STRN3: variants seen among roughly 807,000 people sequenced by gnomAD.
The protein encoded by STRN3 is striatin 3.
In STRN3, 29 loss-of-function variants were observed where a neutral mutation model predicts 95.6. That is an observed-to-expected ratio of 0.30 (90% CI 0.23 to 0.41). The LOEUF (loss-of-function observed/expected upper bound fraction) is 0.41, where lower values mean the gene tolerates loss of function less well. Among genes scored for constraint, STRN3 ranks in the 10% least tolerant of loss-of-function variants. STRN3 has a pLI of 1.00. For missense variants in STRN3, 890 were observed against 972.1 expected, an observed-to-expected ratio of 0.92 and a Z score of 1.12; for synonymous variants, 331 against 357.6, an observed-to-expected ratio of 0.93 and a Z score of 0.84.
At chr14:30,940,652 G>C (rs1879049028) in intron 5 of STRN3, among the ~76,000 whole-genome samples, 1 of 152,088 alleles carries the variant, frequency 6.6e-6, no homozygotes, top group Admixed American at 6.5e-5. Context: ...TGATTTTATG[G>C]AGTAACTGGA....
chr14:31,009,952 A>C (rs970345573), intron 1 of STRN3, among the ~76,000 whole-genome samples: 9 of 152,090 alleles, frequency 5.9e-5, no homozygotes, highest in Non-Finnish European at 2.9e-5. Context: ...AAAATTTTTT[A>C]AGTAGCTGGG....
At chr14:30,950,472 G>C (rs866445368) in intron 4 of STRN3, among the ~76,000 whole-genome samples, 1 of 152,124 alleles carries the variant, frequency 6.6e-6, no homozygotes, top group Non-Finnish European at 1.5e-5. Context: ...CAACTGAAAG[G>C]AAGATTTGGC....
At chr14:30,986,246 C>G (rs8010398) in intron 1 of STRN3, among the ~76,000 whole-genome samples, 121,414 of 152,052 alleles carry the variant, frequency 0.8, 49,066 homozygotes, top group Non-Finnish European at 0.87. Flanking sequence ...AGATCCAAAG[C>G]GAAAAAGAAA....
intron 1 of STRN3, among the ~76,000 whole-genome samples, chr14:30,970,523 C>A (rs1880775405): frequency 6.6e-6 from 1 of 152,186 alleles, no homozygotes; most frequent in South Asian, 2.1e-4. Context: ...CCCCAAAGTT[C>A]TTCCCTTTTC....
intron 3 of STRN3, among the ~76,000 whole-genome samples, chr14:30,952,348 A>G (rs551297161): frequency 2.0e-5 from 3 of 152,294 alleles, no homozygotes; most frequent in South Asian, 4.1e-4. Flanking sequence ...AAAATCACTT[A>G]GTAGTGATTC....
intron 1 of STRN3, among the ~76,000 whole-genome samples, chr14:30,990,324 C>A (rs1033633833): frequency 2.0e-5 from 3 of 151,684 alleles, no homozygotes; most frequent in African/African-American, 7.3e-5. Flanking sequence ...CACCAGCACA[C>A]CCGGCTAATT....
In STRN3 at chr14:30,929,967, A is replaced by AAAAAAAAAAAAAAAAAAAAAAAAAAAAC. The variant is rs1555317336; in HGVS notation, c.989-657_989-656insGTTTTTTTTTTTTTTTTTTTTTTTTTTT. Among the ~76,000 whole-genome samples, 33 of 91,194 alleles carry AAAAAAAAAAAAAAAAAAAAAAAAAAAAC rather than the reference A, an allele frequency of 3.6e-4. 1 individual carries two copies. Among genetic ancestry groups the AAAAAAAAAAAAAAAAAAAAAAAAAAAAC allele is most frequent in the Admixed American group, 5.5e-4 (4 of 7,320 alleles). 59.8% of individuals were successfully genotyped at this position (91,194 alleles called of 152,430 possible). On this transcript the variant is annotated intron_variant, in intron 7 of 17. Coordinates refer to ENST00000357479, the MANE Select transcript of STRN3 (RefSeq NM_001083893.2). Reference sequence around the variant, plus strand: ...AACTAAGATTAGCAAAAAAAAAAAAAAAAAAAAAAAAACTCAAATTCCACT... The same window carrying AAAAAAAAAAAAAAAAAAAAAAAAAAAAC: ...AACTAAGATTAGCAAAAAAAAAAAAAAAAAAAAAAAAAAAAAAAAAAAAAAAACAAAAAAAAAAAACTCAAATTCCACT...
Position 30,911,047 on chromosome 14 carries a change from T to C in STRN3, c.1714A>G (p.Thr572Ala), listed in dbSNP as rs1302279380. The change falls in exon 13 of 18, where the codon ACA (threonine) becomes GCA (alanine). Residue 572 changes from threonine (T) to alanine (A), a missense_variant. By Grantham distance (58) the Thr-to-Ala change is moderately conservative. Transcript: ENST00000357479. The stretch of plus-strand genomic sequence containing the variant: ...TTTTGATCATTTTACTTACCATATG[T>C]ATCATATGGATCTACACTGGGACTC... Reference protein sequence around the residue: ...MPSPSVDPYDTYEPNVLAGTL... With the variant: ...MPSPSVDPYDAYEPNVLAGTL... The C allele has an allele frequency of 6.3e-7, 1 of 1,597,766 alleles. No individual in the cohort carries two copies. The highest frequency in any genetic ancestry group is 8.5e-7 in the Non-Finnish European group (1 of 1,173,432).
intron 1 of STRN3, among the ~76,000 whole-genome samples, chr14:31,018,232 A>C (rs1883336439): frequency 6.6e-6 from 1 of 151,932 alleles, no homozygotes; most frequent in African/African-American, 2.4e-5. Context: ...CATACCAGCT[A>C]CCAGTGATGG....
At chr14:30,980,820 A>G (rs778673496) in intron 1 of STRN3, among the ~76,000 whole-genome samples, 2 of 152,178 alleles carry the variant, frequency 1.3e-5, no homozygotes, top group Non-Finnish European at 2.9e-5. Context: ...AACACTAGAT[A>G]TAGGTGAGTT....
chr14:30,974,607 CAAA>C (rs34613702), intron 1 of STRN3, among the ~76,000 whole-genome samples: 1 of 120,680 alleles, frequency 8.3e-6, no homozygotes, highest in Middle Eastern at 4.2e-3. Context: ...AGCATAACTA[CAAA>C]AAAAAAAAAA....
At chr14:30,905,988 C>T (rs1211071927) in intron 14 of STRN3, among the ~76,000 whole-genome samples, 2 of 152,150 alleles carry the variant, frequency 1.3e-5, no homozygotes, top group Non-Finnish European at 2.9e-5. Flanking sequence ...TATCAAGCAG[C>T]TAATACAAGT....
chr14:30,971,610 A>C (rs950426181), intron 1 of STRN3, among the ~76,000 whole-genome samples: 1 of 152,228 alleles, frequency 6.6e-6, no homozygotes, highest in Non-Finnish European at 1.5e-5. Context: ...ATTAGCAGAA[A>C]GAGGATTTTG....
chr14:30,950,074 T>C (rs187227669), intron 4 of STRN3, among the ~76,000 whole-genome samples: 1 of 151,658 alleles, frequency 6.6e-6, no homozygotes. Flanking sequence ...TGATCAATTA[T>C]GGAGTCTAAG....
chr14:31,021,722 T>C (rs1161148442), intron 1 of STRN3, among the ~76,000 whole-genome samples: 1 of 152,152 alleles, frequency 6.6e-6, no homozygotes, highest in East Asian at 1.9e-4. Context: ...CAACAGAGTG[T>C]TGGTTAAGTA....
intron 1 of STRN3, among the ~76,000 whole-genome samples, chr14:31,021,590 C>G (rs537924697): frequency 6.6e-6 from 1 of 152,006 alleles, no homozygotes; most frequent in South Asian, 2.1e-4. Flanking sequence ...TAAAATAGAA[C>G]CAGAACCCCA....
chr14:30,997,954 T>C (rs1882279048), intron 1 of STRN3, among the ~76,000 whole-genome samples: 1 of 152,076 alleles, frequency 6.6e-6, no homozygotes, highest in African/African-American at 2.4e-5. Flanking sequence ...ATCCGGGGAG[T>C]GTCCATTAAA....
Position 30,990,243 on chromosome 14 carries a change from AG to A in STRN3, c.283-34002del, listed in dbSNP as rs374912674. The stretch of plus-strand genomic sequence containing the variant: ...AGTGGCGCAATCTCGGCTCACTGCA[AG>A]CTCTGCCTCTCGGGTTCATGCCATT... On this transcript the variant is annotated intron_variant, in intron 1 of 17. Coordinates refer to ENST00000357479, the MANE Select transcript of STRN3 (RefSeq NM_001083893.2). Among the ~76,000 whole-genome samples, 41 of 151,426 alleles carry A rather than the reference AG, an allele frequency of 2.7e-4. 1 individual carries two copies. Among genetic ancestry groups the A allele is most frequent in the African/African-American group, 9.0e-4 (37 of 41,010 alleles).
intron 1 of STRN3, among the ~76,000 whole-genome samples, chr14:31,015,677 C>A (rs1330429074): frequency 6.6e-6 from 1 of 152,130 alleles, no homozygotes; most frequent in African/African-American, 2.4e-5. Flanking sequence ...CCCCAGCCAA[C>A]ACCTTCAATT....
Sources: gnomAD v4.1 joint callset for allele counts (sites outside exome capture counted in the v4.1 genomes callset) on GRCh38, gnomAD v4.1.1 for gene constraint, MANE v1.5 for transcripts, NCBI Gene and HGNC (gene_info 2026-07-23, HGNC 2026-07-21) for gene names.